Variants in QSOX2 observed in about 807,000 individuals in gnomAD.
The protein encoded by QSOX2 is quiescin sulfhydryl oxidase 2, also known as sulfhydryl oxidase 2.
In QSOX2, 46 loss-of-function variants were observed where a neutral mutation model predicts 61.7. The ratio of observed to expected loss-of-function variants is 0.75; its 90% CI spans 0.59 to 0.95. QSOX2 has a LOEUF of 0.95. QSOX2 is among the 40% of genes least tolerant of loss of function. The pLI, the probability that QSOX2 is intolerant of heterozygous loss-of-function variation, is 0.00. For missense variants in QSOX2, 879 were observed against 918.9 expected, an observed-to-expected ratio of 0.96 and a Z score of 0.56; for synonymous variants, 383 against 388.4, an observed-to-expected ratio of 0.99 and a Z score of 0.16.
At chr9:136,230,782 C>T (rs1200092640) in intron 1 of QSOX2, among the ~76,000 whole-genome samples, 1 of 152,202 alleles carries the variant, frequency 6.6e-6, no homozygotes, top group African/African-American at 2.4e-5. Context: ...GTCCCGGCCT[C>T]CAGAGGATCC....
chr9:136,223,960 C>T lies in QSOX2; in HGVS notation c.584+47G>A. On this transcript the variant is annotated intron_variant, in intron 4 of 11. Coordinates refer to ENST00000358701, the MANE Select transcript of QSOX2 (RefSeq NM_181701.4). This position sits in a 1 kb window ranked among gnomAD's most constrained non-coding sequence, Gnocchi z 4.4. ...ATAGAAACCTATTACGTTTCTTGCA[C>T]AGTTCAACACGAGTCTAACGGCCGC... 1 of 1,583,060 alleles carries T rather than the reference C, an allele frequency of 6.3e-7. No individual in the cohort carries two copies. The highest frequency in any genetic ancestry group is 8.7e-7 in the Non-Finnish European group (1 of 1,153,000).
At chr9:136,225,873 A>G (rs62579018) in intron 2 of QSOX2, among the ~76,000 whole-genome samples, 1 of 152,232 alleles carries the variant, frequency 6.6e-6, no homozygotes, top group African/African-American at 2.4e-5. Context: ...CACAGTGTGA[A>G]CTGTGTCTGA....
Position 136,209,280 on chromosome 9 carries a change from G to A in QSOX2, c.1550-5C>T. The A allele has an allele frequency of 6.2e-7, 1 of 1,608,164 alleles. No individual in the cohort carries two copies. The highest frequency in any genetic ancestry group is 1.1e-5 in the South Asian group (1 of 90,958). Reference sequence around the variant, plus strand: ...GGGGATCCTCACTCAGATGGCCTAGGAAGAAAAGGAAGCGGGAGAGCCAGA... The same window carrying A: ...GGGGATCCTCACTCAGATGGCCTAGAAAGAAAAGGAAGCGGGAGAGCCAGA... On this transcript the variant is annotated splice_region_variant and splice_polypyrimidine_tract_variant and intron_variant, in intron 11 of 11. Transcript: ENST00000358701. The surrounding 1 kb of genome is among the most constrained non-coding windows in gnomAD (Gnocchi z 5.6).
At chr9:136,211,481 G>GGCAGGT (rs755093317) in intron 10 of QSOX2, 29 bp from the exon 11 acceptor site, 10 of 1,607,372 alleles carry the variant, frequency 6.2e-6, no homozygotes, top group African/African-American at 4.0e-5. Context: ...TGCTGACAAC[G>GGCAGGT]GCAGGTGCGT....
At chr9:136,241,558 T>C (rs978933734) in intron 1 of QSOX2, among the ~76,000 whole-genome samples, 1 of 152,082 alleles carries the variant, frequency 6.6e-6, no homozygotes, top group Non-Finnish European at 1.5e-5. Context: ...CCACCTGTCC[T>C]CTACAAAGAC....
rs1049830920 is a variant in QSOX2 at position 136,221,680 on chromosome 9, G to A, written c.821+116C>T. The A allele has an allele frequency of 4.4e-6, 5 of 1,138,266 alleles. No individual in the cohort carries two copies. The highest frequency in any genetic ancestry group is 5.3e-5 in the East Asian group (2 of 37,516). The allele number at this position is 1,138,266 out of a possible 1,614,324, so 70.5% of individuals were successfully genotyped here. On this transcript the variant is annotated intron_variant, in intron 6 of 11. Coordinates refer to ENST00000358701, the MANE Select transcript of QSOX2 (RefSeq NM_181701.4). The surrounding 1 kb of genome is among the most constrained non-coding windows in gnomAD (Gnocchi z 4.5). ...AGGGCCCAAATCTGCCCAGGGAAGCGAGGCGGAGGGGCCAGGGCTCCCCCG... is the reference window on the plus strand; with the variant it reads ...AGGGCCCAAATCTGCCCAGGGAAGCAAGGCGGAGGGGCCAGGGCTCCCCCG...
Position 136,209,321 on chromosome 9 carries a change from T to C in QSOX2, c.1550-46A>G. 2 of 1,573,878 alleles carry C rather than the reference T, an allele frequency of 1.3e-6. No homozygotes were observed. The highest frequency in any genetic ancestry group is 1.7e-6 in the Non-Finnish European group (2 of 1,157,598). On this transcript the variant is annotated intron_variant, in intron 11 of 11. Coordinates refer to ENST00000358701, the MANE Select transcript of QSOX2 (RefSeq NM_181701.4). This position sits in a 1 kb window ranked among gnomAD's most constrained non-coding sequence, Gnocchi z 5.6. The stretch of plus-strand genomic sequence containing the variant: ...GAGAGCCAGAGGGAAGGAGGCTTTG[T>C]GCAGCCACGTGCAGCGTGCGGCAAC...
rs7861249 is a variant in QSOX2 at position 136,227,754 on chromosome 9, C to G, written c.329-880G>C. The stretch of plus-strand genomic sequence containing the variant: ...CTTTGGGAGGCCGAGGTGGGCAGAT[C>G]GTTTAAGCCCAGGAGTTTGAGACCA... On this transcript the variant is annotated intron_variant, in intron 1 of 11. Transcript: ENST00000358701. Among the ~76,000 whole-genome samples, 362 of 152,150 alleles carry G rather than the reference C, an allele frequency of 2.4e-3. 1 individual carries two copies. Among genetic ancestry groups the G allele is most frequent in the African/African-American group, 8.3e-3 (346 of 41,500 alleles).
intron 1 of QSOX2, among the ~76,000 whole-genome samples, chr9:136,242,303 C>T (rs62579059): frequency 0.016 from 2,438 of 152,374 alleles, 40 homozygotes; most frequent in South Asian, 0.03. Context: ...CTCCTTCCAG[C>T]TGGAGGCTCC....
intron 2 of QSOX2, 127 bp from the exon 3 acceptor site, chr9:136,225,036 T>C (rs1293566817): frequency 1.6e-6 from 1 of 620,530 alleles, no homozygotes; most frequent in African/African-American, 1.9e-5. Context: ...TTTTCATAAA[T>C]TAATGACAAA....
chr9:136,215,453 G>A (rs1831901129), intron 9 of QSOX2, 149 bp from the exon 10 acceptor site: 1 of 754,876 alleles, frequency 1.3e-6, no homozygotes, highest in South Asian at 2.0e-5. Flanking sequence ...TAAGATCTGT[G>A]CCTCCTACCA....
At chr9:136,213,806 G>T (rs987566703) in intron 10 of QSOX2, among the ~76,000 whole-genome samples, 1 of 152,158 alleles carries the variant, frequency 6.6e-6, no homozygotes, top group Non-Finnish European at 1.5e-5. Context: ...CTACTTGGTG[G>T]GGAAGCCACG....
rs746838402 is a variant in QSOX2 at position 136,219,163 on chromosome 9, C to A, written c.823G>T (p.Val275Leu). 2 of 1,612,988 alleles carry A rather than the reference C, an allele frequency of 1.2e-6. No individual in the cohort carries two copies. The highest frequency in any genetic ancestry group is 8.5e-7 in the Non-Finnish European group (1 of 1,179,540). ...PNGSHGLINV[V>L]KPLRAFFSSY... ...GAAAAGAAGGCCCGCAGAGGCTTCA[C>A]GCTGTGAGAGAGGGGAGGGCAAAGG... Residue 275 changes from valine (V) to leucine (L), a missense_variant and splice_region_variant, in exon 7 of 12, where the codon GTG becomes TTG. Physicochemically the swap from Val to Leu is conservative, Grantham distance 32. Transcript: ENST00000358701.
rs1830464966 is a variant in QSOX2, at chr9:136,245,471, C to A, written c.328+5G>T. 5 of 1,587,260 alleles carry A rather than the reference C, an allele frequency of 3.2e-6. No individual in the cohort carries two copies. In the African/African-American group the frequency reaches 4.1e-5, roughly 13 times the overall value. ...GGGGGGTCCCCGCGCGGGGGCGCGC[C>A]TCACCTCGCACATCCCCAGCCAGGG... is the stretch of plus-strand genomic sequence containing the variant. On this transcript the variant is annotated splice_donor_5th_base_variant and intron_variant, in intron 1 of 11. Coordinates refer to ENST00000358701, the MANE Select transcript of QSOX2 (RefSeq NM_181701.4).
intron 1 of QSOX2, among the ~76,000 whole-genome samples, 183 bp from the exon 2 acceptor site, chr9:136,227,057 C>G (rs1366836983): frequency 1.3e-5 from 2 of 152,158 alleles, no homozygotes; most frequent in African/African-American, 2.4e-5. Context: ...AGAACTCCAC[C>G]AACAGCACGA....
chr9:136,229,299 G>A (rs771968588), intron 1 of QSOX2, among the ~76,000 whole-genome samples: 1 of 152,180 alleles, frequency 6.6e-6, no homozygotes, highest in Non-Finnish European at 1.5e-5. Context: ...CCCAGTCAGC[G>A]CAGCAGACGG....
chr9:136,213,816 G>T (rs544983521), intron 10 of QSOX2, among the ~76,000 whole-genome samples: 1 of 152,320 alleles, frequency 6.6e-6, no homozygotes. Context: ...GGGAAGCCAC[G>T]TTCAGGAGTA....
At chr9:136,233,211 CGAGA>C (rs1564296412) in intron 1 of QSOX2, among the ~76,000 whole-genome samples, 2 of 152,174 alleles carry the variant, frequency 1.3e-5, no homozygotes, top group African/African-American at 4.8e-5. Flanking sequence ...TCTGGTTGCA[CGAGA>C]AGGCCTGGGC....
At chr9:136,242,067 A>T (rs1231711154) in intron 1 of QSOX2, among the ~76,000 whole-genome samples, 2 of 152,214 alleles carry the variant, frequency 1.3e-5, no homozygotes, top group Admixed American at 6.5e-5. Context: ...ATCTTCAGGA[A>T]CCCAACAAGG....
Sources: allele counts gnomAD v4.1 joint callset (sites outside exome capture counted in the v4.1 genomes callset), GRCh38; gene constraint gnomAD v4.1.1; non-coding constraint Gnocchi (gnomAD v3.1); transcripts MANE v1.5; gene names NCBI Gene and HGNC (gene_info 2026-07-23, HGNC 2026-07-21).